The following BICD1 variants were observed in gnomAD, a reference collection of about 807,000 sequenced individuals.
BICD1 encodes the protein protein bicaudal D homolog 1.
In BICD1, 35 loss-of-function variants were observed where a neutral mutation model predicts 92.5. That is an observed-to-expected ratio of 0.38 (90% confidence interval 0.29 to 0.50). The LOEUF (loss-of-function observed/expected upper bound fraction) is 0.50, where lower values mean the gene tolerates loss of function less well. Ranked by LOEUF, BICD1 falls within the 20% of genes least tolerant of loss-of-function variation. BICD1 has a pLI of 0.93. For missense variants in BICD1, 950 were observed against 1,189.8 expected, an observed-to-expected ratio of 0.80 and a Z score of 2.97; for synonymous variants, 429 against 465.1, an observed-to-expected ratio of 0.92 and a Z score of 1.00.
At chr12:32,152,158 T>C (rs1943306805) in intron 1 of BICD1, among the ~76,000 whole-genome samples, 1 of 152,166 alleles carries the variant, frequency 6.6e-6, no homozygotes, top group Non-Finnish European at 1.5e-5. Flanking sequence ...GGTTTCGCCA[T>C]GTTGCCCAGG....
In BICD1 at chr12:32,327,971, G is replaced by A; in HGVS notation, c.1516G>A (p.Asp506Asn). The A allele has an allele frequency of 6.2e-7, 1 of 1,614,146 alleles. No homozygotes were observed. ...TCACAGTACCCTTAATACGGCCCAG[G>A]ATGAGTTAGTGACATTCAGTGAGGA... ...ENHSTLNTAQDELVTFSEELA... is the reference protein window; with the variant it reads ...ENHSTLNTAQNELVTFSEELA... The change falls in exon 5 of 10, where the codon GAT becomes AAT. Residue 506 changes from aspartate (D) to asparagine (N), a missense_variant. Physicochemically the swap from Asp to Asn is conservative, Grantham distance 23. Transcript: ENST00000652176.
At chr12:32,346,616 G>GTA (rs1260180834) in intron 8 of BICD1, among the ~76,000 whole-genome samples, 338 of 2,816 alleles carry the variant, frequency 0.12, 49 homozygotes, top group South Asian at 0.25. Flanking sequence ...ATATATACGT[G>GTA]TATATATATA....
chr12:32,221,804 G>A (rs1945540440), intron 2 of BICD1, among the ~76,000 whole-genome samples: 1 of 152,104 alleles, frequency 6.6e-6, no homozygotes, highest in South Asian at 2.1e-4. Context: ...TAATCCTACA[G>A]GGCCAATAAT....
In BICD1 at chr12:32,107,336, C is replaced by A; in HGVS notation, c.5C>A (p.Ala2Asp). 6.2e-7 allele frequency: 1 copy of A among 1,600,906 alleles called. No individual in the cohort carries two copies. Among genetic ancestry groups the A allele is most frequent in the Non-Finnish European group, 8.5e-7 (1 of 1,174,272 alleles). The change falls in exon 1 of 10, where the codon GCC (alanine) becomes GAC (aspartate). Residue 2 changes from alanine to aspartate, a missense_variant. Ala to Asp is a moderately radical substitution (Grantham distance 126). This residue lies in a region of BICD1 where 202 missense variants were observed against 205.3 expected (regional missense o/e 0.98). Coordinates refer to ENST00000652176, the MANE Select transcript of BICD1 (RefSeq NM_001714.4). ...CTGCCTCCATCCACCGGGGCTATGG[C>A]CGCAGAAGAGGTATTGCAGACGGTG... MAAEEVLQTVDH... is the reference protein window; with the variant it reads MDAEEVLQTVDH...
At chr12:32,165,909 C>T (rs1943749839) in intron 1 of BICD1, among the ~76,000 whole-genome samples, 1 of 151,886 alleles carries the variant, frequency 6.6e-6, no homozygotes, top group Admixed American at 6.6e-5. Context: ...CCTAAAGGGG[C>T]TCATTCTAAG....
At chr12:32,214,611 A>G (rs986225224) in intron 1 of BICD1, among the ~76,000 whole-genome samples, 15 of 152,214 alleles carry the variant, frequency 9.9e-5, no homozygotes, top group African/African-American at 3.6e-4. Flanking sequence ...CAACCCTAGT[A>G]TATATGTAAA....
At chr12:32,238,392 G>T (rs1422999459) in intron 2 of BICD1, among the ~76,000 whole-genome samples, 3 of 152,188 alleles carry the variant, frequency 2.0e-5, no homozygotes, top group Non-Finnish European at 4.4e-5. Context: ...GCTTCTTATG[G>T]ATGAGCAAAG....
At chr12:32,111,586 C>T (rs981613101) in intron 1 of BICD1, among the ~76,000 whole-genome samples, 4 of 152,006 alleles carry the variant, frequency 2.6e-5, no homozygotes, top group Non-Finnish European at 4.4e-5. Flanking sequence ...TTTAACTTCT[C>T]TCATTGTTTT....
chr12:32,282,285 G>A (rs1947438444), intron 2 of BICD1, among the ~76,000 whole-genome samples: 1 of 136,224 alleles, frequency 7.3e-6, no homozygotes. Flanking sequence ...CAGTGACATG[G>A]TCTCGGCCCA....
At chr12:32,219,271 C>T (rs1260213861) in intron 2 of BICD1, among the ~76,000 whole-genome samples, 2 of 151,994 alleles carry the variant, frequency 1.3e-5, no homozygotes, top group East Asian at 1.9e-4. Flanking sequence ...GGTGTGTGTG[C>T]GTGCATATAT....
In BICD1 at chr12:32,337,492, G is replaced by C. The variant is rs1938179524; in HGVS notation, c.2253-7G>C. 6.2e-7 allele frequency: 1 copy of C among 1,601,352 alleles called. No homozygotes were observed. On this transcript the variant is annotated splice_polypyrimidine_tract_variant and splice_region_variant and intron_variant, in intron 6 of 9. Transcript: ENST00000652176. This position sits in a 1 kb window ranked among gnomAD's most constrained non-coding sequence, Gnocchi z 4.7. Reference sequence around the variant, plus strand: ...TTCCTCTGACCACTTCTCTGTTTTGGTTCCAGATGTGATGAATATGTCACC... The same window carrying C: ...TTCCTCTGACCACTTCTCTGTTTTGCTTCCAGATGTGATGAATATGTCACC...
At chr12:32,321,515 C>T (rs1948655577) in intron 4 of BICD1, among the ~76,000 whole-genome samples, 1 of 152,114 alleles carries the variant, frequency 6.6e-6, no homozygotes, top group Non-Finnish European at 1.5e-5. Context: ...CAGTTCCAGA[C>T]AGAAAATGAA....
chr12:32,334,398 T>G (rs1592689042), intron 5 of BICD1, 118 bp from the exon 6 acceptor site: 1 of 1,099,198 alleles, frequency 9.1e-7, no homozygotes, highest in East Asian at 2.8e-5. Context: ...ATATAAAATG[T>G]AACCAAATCA....
intron 2 of BICD1, among the ~76,000 whole-genome samples, chr12:32,233,985 T>G (rs1391861146): frequency 6.6e-6 from 1 of 152,198 alleles, no homozygotes; most frequent in Non-Finnish European, 1.5e-5. Flanking sequence ...AACATATACT[T>G]GAGCAACCTA....
At chr12:32,282,290 G>C (rs1451151934) in intron 2 of BICD1, among the ~76,000 whole-genome samples, 1 of 134,056 alleles carries the variant, frequency 7.5e-6, no homozygotes, top group Non-Finnish European at 1.5e-5. Context: ...ACATGGTCTC[G>C]GCCCACTATA....
chr12:32,137,414 A>G lies in BICD1; in HGVS notation c.213+29870A>G, dbSNP rs570041197. ...TAAGGTTAATTGTTTTTATAAGCAA[A>G]TTATTTTGCTTTTGTGACCCAAAGC... is the stretch of plus-strand genomic sequence containing the variant. On this transcript the variant is annotated intron_variant, in intron 1 of 9. Coordinates refer to ENST00000652176, the MANE Select transcript of BICD1 (RefSeq NM_001714.4). 2.3e-4 allele frequency among the ~76,000 whole-genome samples: 35 copies of G among 152,208 alleles called. No individual in the cohort carries two copies. The East Asian group carries it at 5.6e-3, about 24-fold the overall frequency.
chr12:32,209,665 C>T (rs1325218519), intron 1 of BICD1, among the ~76,000 whole-genome samples: 1 of 152,154 alleles, frequency 6.6e-6, no homozygotes, highest in Admixed American at 6.5e-5. Context: ...AAAGAGGCGT[C>T]ATGGCAGTGC....
chr12:32,245,718 T>G (rs1946363403), intron 2 of BICD1, among the ~76,000 whole-genome samples: 1 of 152,066 alleles, frequency 6.6e-6, no homozygotes, highest in African/African-American at 2.4e-5. Context: ...AGGATAAGTG[T>G]CCAATTAACC....
At chr12:32,299,894 T>C (rs763374937) in intron 3 of BICD1, among the ~76,000 whole-genome samples, 3 of 152,050 alleles carry the variant, frequency 2.0e-5, no homozygotes, top group Non-Finnish European at 4.4e-5. Context: ...TGTCTTCAAG[T>C]CAAGACCAGA....
Sources: allele counts gnomAD v4.1 joint callset (sites outside exome capture counted in the v4.1 genomes callset), GRCh38; gene constraint gnomAD v4.1.1; regional missense constraint gnomAD v4.1.1; non-coding constraint Gnocchi (gnomAD v3.1); transcripts MANE v1.5; gene names NCBI Gene and HGNC (gene_info 2026-07-23, HGNC 2026-07-21).